Variants in PPL observed in about 807,000 individuals in gnomAD.
PPL encodes 190 kDa paraneoplastic pemphigus antigen.
Under a neutral mutation model 194.4 loss-of-function variants are expected in PPL, and 198 were observed. The ratio of observed to expected loss-of-function variants is 1.02; its 90% CI spans 0.91 to 1.15. PPL has a LOEUF of 1.15. PPL is among the 50% of genes most tolerant of loss of function. The pLI, the probability that PPL is intolerant of heterozygous loss-of-function variation, is 0.00. For missense variants in PPL, 2,885 were observed against 2,294.8 expected, an observed-to-expected ratio of 1.26 and a Z score of -5.25; for synonymous variants, 1,220 against 972.4, an observed-to-expected ratio of 1.25 and a Z score of -4.74.
intron 1 of PPL, among the ~76,000 whole-genome samples, chr16:4,933,077 C>T (rs2089246528): frequency 6.6e-6 from 1 of 151,938 alleles, no homozygotes; most frequent in Non-Finnish European, 1.5e-5. Flanking sequence ...TCTCAGCTCA[C>T]TGCAACCTCT....
In PPL at chr16:4,889,010, C is replaced by A. The variant is rs148404750; in HGVS notation, c.2365G>T (p.Ala789Ser). 9.4e-5 allele frequency: 152 copies of A among 1,613,650 alleles called. 2 individuals carry two copies. The African/African-American group carries it at 1.9e-3, about 20-fold the overall frequency. The change falls in exon 19 of 22, where the codon GCC (alanine) becomes TCC (serine). Residue 789 changes from alanine (A) to serine (S), a missense_variant. Physicochemically the swap from Ala to Ser is moderately conservative, Grantham distance 99 (BLOSUM62 1). Coordinates refer to ENST00000345988, the MANE Select transcript of PPL (RefSeq NM_002705.5). The stretch of plus-strand genomic sequence containing the variant: ...GCTTGCTGGTACTGCTGGGAATTGG[C>A]ACAGATCTTCTGTACTTCCTGCTCC... ...SREQEVQKIC[A>S]NSQQYQQAVK...
intron 1 of PPL, among the ~76,000 whole-genome samples, chr16:4,923,857 G>C (rs1048464014): frequency 6.6e-6 from 1 of 152,142 alleles, no homozygotes. Flanking sequence ...CTCTTCCTCC[G>C]TGTCACTGGT....
chr16:4,888,712 A>ATTTT lies in PPL; in HGVS notation c.2397+262_2397+265dup, dbSNP rs34143557. Reference sequence around the variant, plus strand: ...GTTGCAACAATGTTGTTTATCCTGCATTTTTTTTTTTGTACTTTTTCCTTA... The same window carrying ATTTT: ...GTTGCAACAATGTTGTTTATCCTGCATTTTTTTTTTTTTTTGTACTTTTTCCTTA... On this transcript the variant is annotated intron_variant, in intron 19 of 21. Transcript: ENST00000345988. 2,784 of 405,838 alleles carry ATTTT rather than the reference A, an allele frequency of 6.9e-3. 7 individuals are homozygous for ATTTT. Among genetic ancestry groups the ATTTT allele is most frequent in the African/African-American group, 0.013 (612 of 48,784 alleles). 25.1% of individuals were successfully genotyped at this position (405,838 alleles called of 1,614,324 possible). A position where few individuals can be genotyped will look rare whatever the true frequency, so the allele number is the denominator to read the frequency against.
rs201306070 is a variant in PPL, at chr16:4,931,432, GA to G, written c.62+5551del. On this transcript the variant is annotated intron_variant, in intron 1 of 21. Transcript: ENST00000345988. The stretch of plus-strand genomic sequence containing the variant: ...GGGAAGGGCAGGGCTGGGACCTGAA[GA>G]GAGCTTTGTCCCACCCGGAGGCAGA... 9.0e-3 allele frequency among the ~76,000 whole-genome samples: 1,373 copies of G among 152,310 alleles called. 16 individuals carry two copies. Among genetic ancestry groups the G allele is most frequent in the Non-Finnish European group, 0.014 (970 of 68,014 alleles).
intron 6 of PPL, among the ~76,000 whole-genome samples, 199 bp from the exon 7 acceptor site, chr16:4,899,583 A>G (rs1374246466): frequency 8.3e-6 from 1 of 119,840 alleles, no homozygotes; most frequent in African/African-American, 2.6e-5. Flanking sequence ...AAACTCATTC[A>G]TTCATTCATT....
rs1356005220 is a variant in PPL at position 4,895,184 on chromosome 16, C to A, written c.1242+77G>T. ...GACAGGCACAGGCTCCTGAGAACGG[C>A]GCCTGAGGCCCGGGATCCAACCATG... On this transcript the variant is annotated intron_variant, in intron 11 of 21. Coordinates refer to ENST00000345988, the MANE Select transcript of PPL (RefSeq NM_002705.5). 4.1e-6 allele frequency: 6 copies of A among 1,466,394 alleles called. No homozygotes were observed. In the Admixed American group the frequency reaches 9.7e-5, roughly 24 times the overall value. 90.8% of individuals were successfully genotyped at this position (1,466,394 alleles called of 1,614,324 possible). A position where few individuals can be genotyped will look rare whatever the true frequency, so the allele number is the denominator to read the frequency against.
chr16:4,894,236 A>G (rs1394294578), intron 12 of PPL, among the ~76,000 whole-genome samples: 1 of 151,580 alleles, frequency 6.6e-6, no homozygotes, highest in Non-Finnish European at 1.5e-5. Flanking sequence ...CTGCTTAGAA[A>G]CTCGTGAGGG....
At chr16:4,891,575 G>C (rs1596547767) in intron 16 of PPL, 2 of 504,144 alleles carry the variant, frequency 4.0e-6, no homozygotes, top group East Asian at 6.7e-5. Flanking sequence ...CACTACACTG[G>C]CTATTGCAGA....
At chr16:4,920,277 T>A (rs2089011428) in intron 1 of PPL, among the ~76,000 whole-genome samples, 1 of 128,158 alleles carries the variant, frequency 7.8e-6, no homozygotes, top group Non-Finnish European at 1.7e-5. Context: ...AACAAGACTC[T>A]GTCTCAAAAA....
rs1341307958 is a variant in PPL, at chr16:4,902,714, G to A, written c.318-188C>T. On this transcript the variant is annotated intron_variant, in intron 3 of 21. Transcript: ENST00000345988. The surrounding 1 kb of genome is among the most constrained non-coding windows in gnomAD (Gnocchi z 4.0). ...GCACTTTTTTTTTTTTTTTGAGACAGAGTCTTGCTCTGTCACCCAGGCTGG... is the reference window on the plus strand; with the variant it reads ...GCACTTTTTTTTTTTTTTTGAGACAAAGTCTTGCTCTGTCACCCAGGCTGG... 4.0e-5 allele frequency among the ~76,000 whole-genome samples: 6 copies of A among 148,592 alleles called. No homozygotes were observed. The highest frequency in any genetic ancestry group is 2.7e-4 in the Admixed American group (4 of 14,948).
chr16:4,888,991 T>A lies in PPL; in HGVS notation c.2384A>T (p.Gln795Leu). Residue 795 changes from glutamine to leucine, a missense_variant, in exon 19 of 22, where the codon CAG becomes CTG. Coordinates refer to ENST00000345988, the MANE Select transcript of PPL (RefSeq NM_002705.5). ...TTCCCGGCTCACCTTTACAGCTTGC[T>A]GGTACTGCTGGGAATTGGCACAGAT... is the stretch of plus-strand genomic sequence containing the variant. ...QKICANSQQY[Q>L]QAVKDYELEA... 12 of 1,613,486 alleles carry A rather than the reference T, an allele frequency of 7.4e-6. No individual in the cohort carries two copies. The highest frequency in any genetic ancestry group is 1.0e-5 in the Non-Finnish European group (12 of 1,179,866).
chr16:4,922,569 G>A (rs922663776), intron 1 of PPL, among the ~76,000 whole-genome samples: 1 of 152,202 alleles, frequency 6.6e-6, no homozygotes, highest in African/African-American at 2.4e-5. Context: ...GACTGAGACA[G>A]GAGAATCGCT....
intron 2 of PPL, among the ~76,000 whole-genome samples, chr16:4,907,450 G>A (rs1462111398): frequency 6.6e-6 from 1 of 152,054 alleles, no homozygotes; most frequent in Non-Finnish European, 1.5e-5. Context: ...TGCATGTTTA[G>A]CATTTGAATA....
At chr16:4,924,894 A>G (rs1596586599) in intron 1 of PPL, among the ~76,000 whole-genome samples, 1 of 152,160 alleles carries the variant, frequency 6.6e-6, no homozygotes, top group Non-Finnish European at 1.5e-5. Context: ...CGTTCCTGCC[A>G]TCACCTCCAC....
In PPL at chr16:4,893,345, C is replaced by G. The variant is rs201263706; in HGVS notation, c.1518G>C (p.Gln506His). 3.7e-6 allele frequency: 6 copies of G among 1,607,932 alleles called. No homozygotes were observed. The highest frequency in any genetic ancestry group is 1.7e-5 in the Admixed American group (1 of 59,978). Residue 506 changes from glutamine (Q) to histidine (H), a missense_variant, in exon 14 of 22, where the codon CAG becomes CAC. By Grantham distance (24) the Gln-to-His change is conservative (BLOSUM62 0). Coordinates refer to ENST00000345988, the MANE Select transcript of PPL (RefSeq NM_002705.5). ...CCACCTTGTCCAAGCCAGCCAGCAG[C>G]TGCCGCCCCTGTAGGTCAGAGGCAT... ...PGDASDLQGR[Q>H]LLAGLDKVAS... is the part of the protein sequence containing the mutation.
chr16:4,910,360 C>A (rs932760342), intron 2 of PPL, among the ~76,000 whole-genome samples: 1 of 152,178 alleles, frequency 6.6e-6, no homozygotes, highest in Non-Finnish European at 1.5e-5. Flanking sequence ...ACAACCACCC[C>A]GCCAAATGGG....
Position 4,885,619 on chromosome 16 carries a change from C to G in PPL, c.3036G>C (p.Gln1012His). Residue 1012 changes from glutamine (Q) to histidine (H), a missense_variant, in exon 22 of 22, where the codon CAG (glutamine) becomes CAC (histidine). Physicochemically the swap from Gln to His is conservative, Grantham distance 24. Transcript: ENST00000345988. The surrounding 1 kb of genome is among the most constrained non-coding windows in gnomAD (Gnocchi z 6.3). ...PDRAQADEVLQLREELEALRR... is the reference protein window; with the variant it reads ...PDRAQADEVLHLREELEALRR... ...TCAGTGCCTCCAGCTCCTCCCGCAGCTGCAAGACCTCATCCGCCTGGGCCC... is the reference window on the plus strand; with the variant it reads ...TCAGTGCCTCCAGCTCCTCCCGCAGGTGCAAGACCTCATCCGCCTGGGCCC... 1.2e-6 allele frequency: 2 copies of G among 1,612,894 alleles called. No homozygotes were observed. The highest frequency in any genetic ancestry group is 1.1e-5 in the South Asian group (1 of 91,048).
intron 1 of PPL, among the ~76,000 whole-genome samples, chr16:4,920,017 G>A (rs911898997): frequency 1.3e-5 from 2 of 151,484 alleles, no homozygotes; most frequent in Admixed American, 6.6e-5. Context: ...CAGGCACGGT[G>A]GCTCACGCCT....
At chr16:4,907,079 TAA>T (rs57847738) in intron 2 of PPL, among the ~76,000 whole-genome samples, 2,294 of 76,988 alleles carry the variant, frequency 0.03, 32 homozygotes, top group African/African-American at 0.048. Flanking sequence ...ACCCTATCTC[TAA>T]AAAAAAAAAA....
Sources: allele counts gnomAD v4.1 joint callset (sites outside exome capture counted in the v4.1 genomes callset), GRCh38; gene constraint gnomAD v4.1.1; non-coding constraint Gnocchi (gnomAD v3.1); transcripts MANE v1.5; gene names NCBI Gene and HGNC (gene_info 2026-07-23, HGNC 2026-07-21).